ENTREP2: variants seen among roughly 807,000 people sequenced by gnomAD.
ENTREP2 encodes the protein endosomal transmembrane epsin interactor 2, also known as protein ENTREP2.
the ENTREP2 span, among the ~76,000 whole-genome samples, chr15:29,389,838 G>A: frequency 1.4e-4 from 21 of 151,674 alleles, no homozygotes; most frequent in African/African-American, 4.4e-4. Flanking sequence ...TGGGACACTG[G>A]ATCATTTTTT....
the ENTREP2 span, among the ~76,000 whole-genome samples, chr15:29,507,240 C>T: frequency 2.6e-5 from 4 of 152,148 alleles, no homozygotes; most frequent in African/African-American, 9.7e-5. Context: ...AATACAGGAG[C>T]ACCCAGATTC....
At chr15:29,366,096 T>C in the ENTREP2 span, among the ~76,000 whole-genome samples, 1 of 152,184 alleles carries the variant, frequency 6.6e-6, no homozygotes, top group African/African-American at 2.4e-5. Context: ...ATTTTCGAGA[T>C]GAAGTCTTGC....
chr15:29,447,112 C>G, the ENTREP2 span, among the ~76,000 whole-genome samples: 1 of 152,174 alleles, frequency 6.6e-6, no homozygotes, highest in Non-Finnish European at 1.5e-5. Context: ...CAAATTCTTA[C>G]AGCAAGCAAA....
the ENTREP2 span, among the ~76,000 whole-genome samples, chr15:29,247,601 C>A: frequency 6.6e-6 from 1 of 152,174 alleles, no homozygotes; most frequent in Non-Finnish European, 1.5e-5. Context: ...GCACTACTAT[C>A]TGTGTGCGCA....
At chr15:29,463,199 CAG>C in the ENTREP2 span, among the ~76,000 whole-genome samples, 1 of 152,154 alleles carries the variant, frequency 6.6e-6, no homozygotes, top group Admixed American at 6.6e-5. Flanking sequence ...AGGCAGGCTG[CAG>C]AGACACCCAC....
chr15:29,572,410 C>T, the ENTREP2 span, among the ~76,000 whole-genome samples: 1 of 152,182 alleles, frequency 6.6e-6, no homozygotes, highest in Non-Finnish European at 1.5e-5. Flanking sequence ...GAGCTTGAAA[C>T]AATACAAGGC....
the ENTREP2 span, among the ~76,000 whole-genome samples, chr15:29,303,471 T>G: frequency 1.3e-5 from 2 of 151,092 alleles, 1 homozygote; most frequent in East Asian, 3.9e-4. Flanking sequence ...AGCCTTTTAT[T>G]TTTTTTTTAG....
the ENTREP2 span, among the ~76,000 whole-genome samples, chr15:29,306,274 A>G: frequency 6.6e-6 from 1 of 152,204 alleles, no homozygotes; most frequent in Non-Finnish European, 1.5e-5. Flanking sequence ...AATCTCCTGA[A>G]TTGGGCACAA....
the ENTREP2 span, among the ~76,000 whole-genome samples, chr15:29,129,761 T>C: frequency 6.6e-6 from 1 of 152,212 alleles, no homozygotes; most frequent in South Asian, 2.1e-4. Context: ...CCATTCTGCG[T>C]GGGCCATGGT....
the ENTREP2 span, among the ~76,000 whole-genome samples, chr15:29,615,605 G>C: frequency 6.6e-6 from 1 of 152,116 alleles, no homozygotes; most frequent in Admixed American, 6.5e-5. Context: ...GACATATGTG[G>C]GAAGGTGTGT....
At chr15:29,626,189 T>G in the ENTREP2 span, among the ~76,000 whole-genome samples, 4 of 152,202 alleles carry the variant, frequency 2.6e-5, no homozygotes, top group African/African-American at 9.6e-5. Context: ...ATCTTCAAAC[T>G]TTGCTATACT....
At chr15:29,345,076 A>T in the ENTREP2 span, among the ~76,000 whole-genome samples, 1 of 152,190 alleles carries the variant, frequency 6.6e-6, no homozygotes, top group East Asian at 1.9e-4. Context: ...ATCCCACCAT[A>T]AAGAACTGTC....
chr15:29,374,836 T>G, the ENTREP2 span: 2 of 152,328 alleles, frequency 1.3e-5, no homozygotes, highest in East Asian at 3.9e-4. Context: ...AGTCCACTAA[T>G]CTTTTTTCTT....
the ENTREP2 span, among the ~76,000 whole-genome samples, chr15:29,300,151 AATGG>A: frequency 0.21 from 27,015 of 127,682 alleles, 2,788 homozygotes; most frequent in Non-Finnish European, 0.25. Flanking sequence ...ATGGATGGAT[AATGG>A]ATGGATGGAT....
the ENTREP2 span, among the ~76,000 whole-genome samples, chr15:29,590,060 C>CA: frequency 1.3e-4 from 20 of 152,246 alleles, no homozygotes; most frequent in South Asian, 3.1e-3. Flanking sequence ...CTATCCAACA[C>CA]AAAAAATGAT....
chr15:29,648,112 G>A, the ENTREP2 span, among the ~76,000 whole-genome samples: 105 of 152,158 alleles, frequency 6.9e-4, 1 homozygote, highest in African/African-American at 2.4e-3. Flanking sequence ...TTTACCTTAC[G>A]CCCATTTGGC....
At chr15:29,554,884 C>T in the ENTREP2 span, among the ~76,000 whole-genome samples, 1 of 152,182 alleles carries the variant, frequency 6.6e-6, no homozygotes, top group Non-Finnish European at 1.5e-5. Context: ...ACCCCATGAA[C>T]ATTCTTACAC....
the ENTREP2 span, among the ~76,000 whole-genome samples, chr15:29,311,695 C>CAA: frequency 1.3e-5 from 2 of 151,156 alleles, no homozygotes; most frequent in African/African-American, 2.4e-5. Context: ...ATCCCCCCCC[C>CAA]AAAAAAAAGT....
chr15:29,237,783 T>G, the ENTREP2 span, among the ~76,000 whole-genome samples: 1 of 152,212 alleles, frequency 6.6e-6, no homozygotes, highest in Admixed American at 6.5e-5. Context: ...AGTTACCAAG[T>G]AACCTGGCAA....
Sources: allele counts gnomAD v4.1 joint callset (sites outside exome capture counted in the v4.1 genomes callset), GRCh38; gene constraint gnomAD v4.1.1; transcripts MANE v1.5; gene names NCBI Gene and HGNC (gene_info 2026-07-23, HGNC 2026-07-21).